The following MED14 variants were observed in gnomAD, a reference collection of about 807,000 sequenced individuals.
MED14 encodes mediator complex subunit 14, also known as mediator of RNA polymerase II transcription subunit 14.
MED14 carries 8 observed loss-of-function variants against 109.0 expected under a neutral mutation model. The ratio of observed to expected loss-of-function variants is 0.07; its 90% confidence interval spans 0.04 to 0.13. The LOEUF is 0.13. MED14 is among the 10% of genes least tolerant of loss of function. The pLI, the probability that MED14 is intolerant of heterozygous loss-of-function variation, is 1.00. For missense variants in MED14, 711 were observed against 1,142.4 expected (o/e 0.62, Z 5.44); for synonymous variants, 399 against 408.7 (o/e 0.98, Z 0.29).
chrX:40,703,811 T>C (rs1056161219), intron 10 of MED14, among the ~76,000 whole-genome samples: 1 of 112,224 alleles, frequency 8.9e-6, no homozygotes, highest in Admixed American at 9.4e-5. Flanking sequence ...GCAAAAAAAA[T>C]CCAAAGTTTC....
intron 29 of MED14, 130 bp from the exon 30 acceptor site, chrX:40,654,686 A>T (rs1015233330): frequency 1.1e-5 from 8 of 739,724 alleles, no homozygotes; most frequent in Non-Finnish European, 1.6e-5. Flanking sequence ...ACACATGACA[A>T]GAAAAGTGAC....
intron 3 of MED14, among the ~76,000 whole-genome samples, chrX:40,722,314 C>T (rs1384145816): frequency 9.0e-6 from 1 of 111,718 alleles, no homozygotes; most frequent in African/African-American, 3.2e-5. Context: ...AAAATGCAAT[C>T]GGCATACTGA....
At chrX:40,734,303 G>A (rs1569301480) in intron 1 of MED14, among the ~76,000 whole-genome samples, 1 of 111,944 alleles carries the variant, frequency 8.9e-6, no homozygotes, top group Non-Finnish European at 1.9e-5. Context: ...TGAGAATGAC[G>A]TTTTACAGGA....
chrX:40,651,664 C>T lies in MED14; in HGVS notation c.*142G>A. 1.9e-6 allele frequency: 2 copies of T among 1,050,961 alleles called. No individual in the cohort carries two copies. Among genetic ancestry groups the T allele is most frequent in the East Asian group, 3.7e-5 (1 of 27,280 alleles). 86.6% of individuals were successfully genotyped at this position (1,050,961 alleles called of 1,213,427 possible). ...TGATCATTTTGATGAAAGAAGTGCA[C>T]CCTGAAAATTTTTGCCAGTTTAGAA... On this transcript the variant is annotated 3_prime_UTR_variant, in exon 31 of 31. Coordinates refer to ENST00000324817, the MANE Select transcript of MED14 (RefSeq NM_004229.4).
chrX:40,659,168 C>T, intron 28 of MED14, 59 bp downstream of exon 28: 1 of 780,865 alleles, frequency 1.3e-6, no homozygotes, highest in South Asian at 3.1e-5. Flanking sequence ...AACACTGCTC[C>T]CACCAACTCT....
At chrX:40,715,517 T>C (rs1931480817) in intron 3 of MED14, among the ~76,000 whole-genome samples, 1 of 110,727 alleles carries the variant, frequency 9.0e-6, no homozygotes, top group African/African-American at 3.3e-5. Flanking sequence ...CTGGGTGCGG[T>C]GGCTCAGGTC....
chrX:40,732,559 G>A (rs1932112780), intron 1 of MED14, among the ~76,000 whole-genome samples: 1 of 105,301 alleles, frequency 9.5e-6, no homozygotes, highest in African/African-American at 3.5e-5. Flanking sequence ...TGGGAGGACT[G>A]CTTAAGCCCA....
intron 3 of MED14, among the ~76,000 whole-genome samples, chrX:40,722,127 C>T (rs770610320): frequency 1.8e-5 from 2 of 111,960 alleles, no homozygotes; most frequent in Admixed American, 9.5e-5. Flanking sequence ...GTACCAGGAA[C>T]TAATCCAGGA....
chrX:40,719,467 A>G (rs1931643263), intron 3 of MED14, among the ~76,000 whole-genome samples: 1 of 112,140 alleles, frequency 8.9e-6, no homozygotes, highest in African/African-American at 3.2e-5. Flanking sequence ...AGCCATAAAA[A>G]GGAATGTAGT....
intron 1 of MED14, 118 bp downstream of exon 1, chrX:40,735,080 A>C (rs992790825): frequency 8.2e-6 from 4 of 489,677 alleles, no homozygotes; most frequent in Non-Finnish European, 1.2e-5. Flanking sequence ...CAAAAATTCT[A>C]GACTAAGCAG....
intron 19 of MED14, among the ~76,000 whole-genome samples, chrX:40,681,157 T>G (rs771688822): frequency 8.9e-6 from 1 of 112,543 alleles, no homozygotes; most frequent in South Asian, 3.7e-4. Context: ...ACAACTTTAT[T>G]AAACTTTATT....
intron 21 of MED14, among the ~76,000 whole-genome samples, chrX:40,678,743 C>A (rs1407790099): frequency 1.8e-5 from 2 of 109,250 alleles, no homozygotes; most frequent in African/African-American, 6.7e-5. Flanking sequence ...GTGGTTGAGG[C>A]TGCAGTGAGC....
chrX:40,696,461 A>G (rs975760063), intron 13 of MED14, among the ~76,000 whole-genome samples: 3 of 110,727 alleles, frequency 2.7e-5, no homozygotes, highest in African/African-American at 9.9e-5. Context: ...AAGCAAGAAA[A>G]TATATTCAGG....
At chrX:40,671,778 G>T in intron 23 of MED14, 83 bp downstream of exon 23, 1 of 563,409 alleles carries the variant, frequency 1.8e-6, no homozygotes, top group Non-Finnish European at 2.9e-6. Flanking sequence ...GAGACTAGAT[G>T]CACAGTGCTT....
rs1285799887 is a variant in MED14, at chrX:40,702,348, T to G, written c.1411+1096A>C. Among the ~76,000 whole-genome samples the G allele has an allele frequency of 5.0e-5, 5 of 99,435 alleles. No individual in the cohort carries two copies. The East Asian group carries it at 1.5e-3, about 31-fold the overall frequency. The allele number at this position is 99,435 out of a possible 115,157, so 86.3% of individuals were successfully genotyped here. A position where few individuals can be genotyped will look rare whatever the true frequency, so the allele number is the denominator to read the frequency against. The stretch of plus-strand genomic sequence containing the variant: ...AAAAACAGTTAAATATAAGTTTTGT[T>G]TTTTTTTTTTTTTTTTGAGACGGAG... On this transcript the variant is annotated intron_variant, in intron 11 of 30. Coordinates refer to ENST00000324817, the MANE Select transcript of MED14 (RefSeq NM_004229.4).
intron 3 of MED14, among the ~76,000 whole-genome samples, chrX:40,716,466 T>C (rs1380648206): frequency 9.2e-6 from 1 of 108,368 alleles, no homozygotes; most frequent in African/African-American, 3.4e-5. Context: ...CCTGGCATAG[T>C]GGTGTATGCC....
Position 40,703,575 on chromosome X carries a change from C to A in MED14, c.1286-6G>T. On this transcript the variant is annotated splice_polypyrimidine_tract_variant and splice_region_variant and intron_variant, in intron 10 of 30. Coordinates refer to ENST00000324817, the MANE Select transcript of MED14 (RefSeq NM_004229.4). ...GAGTGCAGTCTCTATGGAAGCTGAA[C>A]AATCAAGAATTAAAAATTATTTTTC... is the stretch of plus-strand genomic sequence containing the variant. 8.7e-7 allele frequency: 1 copy of A among 1,143,911 alleles called. No individual in the cohort carries two copies. Among genetic ancestry groups the A allele is most frequent in the Non-Finnish European group, 1.2e-6 (1 of 856,095 alleles). The allele number at this position is 1,143,911 out of a possible 1,213,427, so 94.3% of individuals were successfully genotyped here.
At position 40,735,179 on chromosome X, in the gene MED14, G is replaced by A; in HGVS notation, c.215+19C>T. 2 of 1,066,246 alleles carry A rather than the reference G, an allele frequency of 1.9e-6. No homozygotes were observed. Among genetic ancestry groups the A allele is most frequent in the South Asian group, 2.4e-5 (1 of 40,967 alleles). The allele number at this position is 1,066,246 out of a possible 1,213,427, so 87.9% of individuals were successfully genotyped here. On this transcript the variant is annotated intron_variant, in intron 1 of 30. Transcript: ENST00000324817. ...GGGAAGGGGGGCTGGGGAACAGGCA[G>A]GGGTTTCGGGGCACTTACAGGTCCG...
chrX:40,735,813 G>A (rs1007628914), upstream of MED14: 3 of 334,370 alleles, frequency 9.0e-6, no homozygotes, highest in African/African-American at 5.2e-5. Context: ...TCTCTCAGCT[G>A]TCTAGCACCG....
Sources: gnomAD v4.1 joint callset for allele counts (sites outside exome capture counted in the v4.1 genomes callset) on GRCh38, gnomAD v4.1.1 for gene constraint, MANE v1.5 for transcripts, NCBI Gene and HGNC (gene_info 2026-07-23, HGNC 2026-07-21) for gene names.